KIZ: variants seen among roughly 807,000 people sequenced by gnomAD.
KIZ encodes the protein kizuna centrosomal protein.
A neutral mutation model predicts 79.6 loss-of-function variants in KIZ; 68 were observed. The ratio of observed to expected loss-of-function variants is 0.85; its 90% CI spans 0.70 to 1.05. The LOEUF is 1.05. Among genes scored for constraint, KIZ ranks in the 50% least tolerant of loss-of-function variants. KIZ has a pLI of 0.00. For missense variants in KIZ, 797 were observed against 800.4 expected, an observed-to-expected ratio of 1.00 and a Z score of 0.05; for synonymous variants, 280 against 281.8, an observed-to-expected ratio of 0.99 and a Z score of 0.06.
chr20:21,193,277 T>G (rs1173093266), intron 6 of KIZ, among the ~76,000 whole-genome samples: 1 of 152,152 alleles, frequency 6.6e-6, no homozygotes, highest in African/African-American at 2.4e-5. Context: ...ACACAAAAAT[T>G]TAACTCACCA....
chr20:21,155,389 C>G (rs572225556), intron 4 of KIZ, among the ~76,000 whole-genome samples: 7 of 145,678 alleles, frequency 4.8e-5, no homozygotes, highest in African/African-American at 1.7e-4. Flanking sequence ...ACCTTGAAAA[C>G]ATTGTGCTAA....
chr20:21,213,802 G>C (rs1011367054), intron 7 of KIZ: 1 of 152,170 alleles, frequency 6.6e-6, no homozygotes, highest in East Asian at 1.9e-4. Context: ...ATAAAAACCT[G>C]TGTCCTCCTC....
At chr20:21,160,177 C>T (rs950435210) in intron 4 of KIZ, among the ~76,000 whole-genome samples, 1 of 152,198 alleles carries the variant, frequency 6.6e-6, no homozygotes, top group African/African-American at 2.4e-5. Flanking sequence ...GTCCAGATAA[C>T]CTGCCTTACA....
intron 7 of KIZ, among the ~76,000 whole-genome samples, chr20:21,208,218 G>A (rs1026616882): frequency 6.6e-6 from 1 of 152,018 alleles, no homozygotes; most frequent in African/African-American, 2.4e-5. Context: ...AGAAAACATG[G>A]TCCAAGTCCC....
chr20:21,185,439 T>C (rs1397921242), intron 6 of KIZ, among the ~76,000 whole-genome samples: 1 of 145,926 alleles, frequency 6.9e-6, no homozygotes, highest in African/African-American at 2.5e-5. Context: ...AGACGGATTC[T>C]CACTCTGTCA....
intron 4 of KIZ, among the ~76,000 whole-genome samples, chr20:21,148,371 C>T (rs916267494): frequency 6.6e-6 from 1 of 152,216 alleles, no homozygotes; most frequent in South Asian, 2.1e-4. Flanking sequence ...TGGTGTAGGA[C>T]ATCTATTATT....
At chr20:21,134,721 C>T (rs2122347287) in intron 2 of KIZ, among the ~76,000 whole-genome samples, 1 of 145,584 alleles carries the variant, frequency 6.9e-6, no homozygotes, top group Non-Finnish European at 1.5e-5. Context: ...GGCTGGAGTG[C>T]AGTGGTGTGA....
intron 11 of KIZ, among the ~76,000 whole-genome samples, chr20:21,243,321 A>G (rs1417717964): frequency 6.6e-6 from 1 of 150,678 alleles, no homozygotes; most frequent in Non-Finnish European, 1.5e-5. Context: ...AAAAAAAAGT[A>G]AATTATAGCA....
At chr20:21,143,589 G>C (rs2032691794) in intron 3 of KIZ, among the ~76,000 whole-genome samples, 1 of 152,192 alleles carries the variant, frequency 6.6e-6, no homozygotes, top group Non-Finnish European at 1.5e-5. Context: ...AAATGGAAAG[G>C]TTCTGCTAAA....
chr20:21,166,176 A>G (rs6137276), intron 6 of KIZ: 697,015 of 1,082,272 alleles, frequency 0.64, 230,849 homozygotes, highest in South Asian at 0.77. Flanking sequence ...TCCATGAGGC[A>G]TTTTATTTGT....
intron 3 of KIZ, among the ~76,000 whole-genome samples, chr20:21,143,939 G>A (rs1445898433): frequency 6.6e-6 from 1 of 152,186 alleles, no homozygotes; most frequent in Non-Finnish European, 1.5e-5. Flanking sequence ...CTTACATTCT[G>A]TATCATTAAT....
At chr20:21,169,531 G>C (rs2034108334) in intron 6 of KIZ, among the ~76,000 whole-genome samples, 1 of 152,140 alleles carries the variant, frequency 6.6e-6, no homozygotes, top group South Asian at 2.1e-4. Flanking sequence ...CGATTCCTCA[G>C]GGATCTAGAA....
intron 7 of KIZ, among the ~76,000 whole-genome samples, chr20:21,212,133 C>G (rs1249957628): frequency 6.6e-6 from 1 of 152,162 alleles, no homozygotes; most frequent in African/African-American, 2.4e-5. Flanking sequence ...CTGTTCTTGT[C>G]TATCCTTGTC....
At chr20:21,204,105 GTTTTTTTTTTTT>G (rs71330816) in intron 6 of KIZ, among the ~76,000 whole-genome samples, 1 of 74,998 alleles carries the variant, frequency 1.3e-5, no homozygotes, top group Non-Finnish European at 2.5e-5. Context: ...AGTCATCTAT[GTTTTTTTTTTTT>G]TTTTTTTTTT....
rs2037315496 is a variant in KIZ, at chr20:21,244,228, GTTTC to G, written c.1881-13_1881-10del. The G allele has an allele frequency of 1.9e-6, 3 of 1,565,182 alleles. No individual in the cohort carries two copies. Among genetic ancestry groups the G allele is most frequent in the African/African-American group, 1.4e-5 (1 of 73,828 alleles). On this transcript the variant is annotated splice_polypyrimidine_tract_variant and intron_variant, in intron 11 of 12. Coordinates refer to ENST00000619189, the MANE Select transcript of KIZ (RefSeq NM_018474.6). ...TCTTTTCTTTTTCAGAACTTAGACT[GTTTC>G]TTTATTTTGCAGGCATGAAAACAAA...
rs192675570 is a variant in KIZ at position 21,165,047 on chromosome 20, C to T, written c.1352+1888C>T. ...GTTTAACTGGCGCTCTTCTCCTTTG[C>T]TCTGAGGGTTATTGGTCTGAGACCA... On this transcript the variant is annotated intron_variant, in intron 6 of 12. Coordinates refer to ENST00000619189, the MANE Select transcript of KIZ (RefSeq NM_018474.6). 2.0e-3 allele frequency among the ~76,000 whole-genome samples: 308 copies of T among 152,310 alleles called. 1 individual carries two copies. The highest frequency in any genetic ancestry group is 7.0e-3 in the African/African-American group (291 of 41,570).
chr20:21,216,047 TA>T (rs1314255821), intron 9 of KIZ, among the ~76,000 whole-genome samples: 1 of 152,232 alleles, frequency 6.6e-6, no homozygotes, highest in East Asian at 1.9e-4. Context: ...AAGCAGATAA[TA>T]AAAAAATGTC....
chr20:21,202,027 T>C (rs1339042214), intron 6 of KIZ, among the ~76,000 whole-genome samples: 4 of 152,216 alleles, frequency 2.6e-5, no homozygotes, highest in African/African-American at 4.8e-5. Flanking sequence ...CTTGGGCAAG[T>C]CAATTAATCA....
At chr20:21,146,096 A>G (rs2032831954) in intron 4 of KIZ, among the ~76,000 whole-genome samples, 1 of 152,238 alleles carries the variant, frequency 6.6e-6, no homozygotes, top group South Asian at 2.1e-4. Context: ...AAAAAGATCG[A>G]CAAGGAATAC....
Sources: gnomAD v4.1 joint callset for allele counts (sites outside exome capture counted in the v4.1 genomes callset) on GRCh38, gnomAD v4.1.1 for gene constraint, MANE v1.5 for transcripts, NCBI Gene and HGNC (gene_info 2026-07-23, HGNC 2026-07-21) for gene names.